Variants in ZNF623 observed in about 807,000 individuals in gnomAD.
ZNF623 encodes the protein zinc finger protein 623.
In ZNF623, 16 loss-of-function variants were observed where a neutral mutation model predicts 24.0. The ratio of observed to expected loss-of-function variants is 0.67; its 90% CI spans 0.45 to 1.01. ZNF623 has a LOEUF of 1.01. Among genes scored for constraint, ZNF623 ranks in the 50% least tolerant of loss-of-function variants. The pLI, the probability that ZNF623 is intolerant of heterozygous loss-of-function variation, is 0.00. For synonymous variants in ZNF623, 224 were observed against 219.8 expected, an observed-to-expected ratio of 1.02 and a Z score of -0.17; for missense variants, 566 against 606.5, an observed-to-expected ratio of 0.93 and a Z score of 0.70.
At chr8:143,638,434 A>G (rs1814973619) in intron 1 of ZNF623, among the ~76,000 whole-genome samples, 1 of 152,038 alleles carries the variant, frequency 6.6e-6, no homozygotes, top group Non-Finnish European at 1.5e-5. Flanking sequence ...TTGTAAACAG[A>G]AACACCCTGT....
chr8:143,650,125 C>T lies in ZNF623; in HGVS notation c.133C>T (p.His45Tyr), dbSNP rs1479487006. 3.7e-6 allele frequency: 6 copies of T among 1,614,128 alleles called. No individual in the cohort carries two copies. Among genetic ancestry groups the T allele is most frequent in the African/African-American group, 1.3e-5 (1 of 75,028 alleles). Residue 45 changes from histidine to tyrosine, a missense_variant, in exon 2 of 2, where the codon CAT becomes TAT. Physicochemically the swap from His to Tyr is moderately conservative, Grantham distance 83. This residue lies in a region of ZNF623 where 313 missense variants were observed against 300.4 expected (regional missense o/e 1.04). Coordinates refer to ENST00000526926, the MANE Select transcript of ZNF623 (RefSeq NM_001261843.2). This position sits in a 1 kb window ranked among gnomAD's most constrained non-coding sequence, Gnocchi z 5.2. ...DRGCKQVTVTHWKIQTGETAQ... is the reference protein window; with the variant it reads ...DRGCKQVTVTYWKIQTGETAQ... ...GGGCTGCAAGCAGGTGACAGTGACC[C>T]ATTGGAAGATCCAGACAGGAGAGAC...
At position 143,650,148 on chromosome 8, in the gene ZNF623, G is replaced by A. The variant is rs757227153; in HGVS notation, c.156G>A (p.Glu52=). ...CCCATTGGAAGATCCAGACAGGAGA[G>A]ACAGCTCAAGTGTGCACCAAGTCAG... ...TVTHWKIQTG[E]TAQVCTKSGR... Residue 52 remains glutamate (E), a synonymous_variant, in exon 2 of 2, where the codon GAG becomes GAA. Transcript: ENST00000526926. The surrounding 1 kb of genome is among the most constrained non-coding windows in gnomAD (Gnocchi z 5.2). The A allele has an allele frequency of 1.2e-6, 2 of 1,614,224 alleles. No homozygotes were observed. Among genetic ancestry groups the A allele is most frequent in the South Asian group, 2.2e-5 (2 of 91,086 alleles).
chr8:143,642,286 C>T (rs930714366), intron 1 of ZNF623, among the ~76,000 whole-genome samples: 26 of 152,164 alleles, frequency 1.7e-4, no homozygotes, highest in Admixed American at 1.2e-3. Context: ...TTCCCTCACC[C>T]GTCTCGGCCT....
At position 143,651,540 on chromosome 8, in the gene ZNF623, A is replaced by G. The variant is rs187648581; in HGVS notation, c.*57A>G. The G allele has an allele frequency of 2.7e-5, 41 of 1,519,458 alleles. No individual in the cohort carries two copies. In the East Asian group the frequency reaches 9.0e-4, roughly 33 times the overall value. The allele number at this position is 1,519,458 out of a possible 1,614,324, so 94.1% of individuals were successfully genotyped here. ...TTGGAAATGCGTGGAATTAGGATTCATGTGGTTTCTAAGATTTGGACATGT... is the reference window on the plus strand; with the variant it reads ...TTGGAAATGCGTGGAATTAGGATTCGTGTGGTTTCTAAGATTTGGACATGT... On this transcript the variant is annotated 3_prime_UTR_variant, in exon 2 of 2. Coordinates refer to ENST00000526926, the MANE Select transcript of ZNF623 (RefSeq NM_001261843.2).
intron 1 of ZNF623, among the ~76,000 whole-genome samples, chr8:143,638,190 A>T (rs1228782072): frequency 6.6e-6 from 1 of 152,066 alleles, no homozygotes; most frequent in Non-Finnish European, 1.5e-5. Flanking sequence ...AAAGTACAAA[A>T]GTTAGCCAGG....
chr8:143,650,606 G>C lies in ZNF623; in HGVS notation c.614G>C (p.Ser205Thr). The change falls in exon 2 of 2, where the codon AGT becomes ACT. Residue 205 changes from serine to threonine, a missense_variant. Transcript: ENST00000526926. This position sits in a 1 kb window ranked among gnomAD's most constrained non-coding sequence, Gnocchi z 5.2. Reference protein sequence around the residue: ...FECKECGKGFSQSSLLIRHQR... With the variant: ...FECKECGKGFTQSSLLIRHQR... ...TGCAAAGAGTGTGGGAAAGGCTTCAGTCAGAGCTCCTTACTTATTCGCCAT... is the reference window on the plus strand; with the variant it reads ...TGCAAAGAGTGTGGGAAAGGCTTCACTCAGAGCTCCTTACTTATTCGCCAT... 1 of 1,613,044 alleles carries C rather than the reference G, an allele frequency of 6.2e-7. No individual in the cohort carries two copies. The highest frequency in any genetic ancestry group is 1.3e-5 in the African/African-American group (1 of 74,622).
intron 1 of ZNF623, among the ~76,000 whole-genome samples, chr8:143,644,660 T>TG (rs1472769167): frequency 1.3e-4 from 20 of 149,406 alleles, no homozygotes; most frequent in East Asian, 4.1e-4. Flanking sequence ...GAGGCCAAGG[T>TG]GGCTGGACTG....
In ZNF623 at chr8:143,650,028, C is replaced by T. The variant is rs755111071; in HGVS notation, c.36C>T (p.His12=). 12 of 1,614,150 alleles carry T rather than the reference C, an allele frequency of 7.4e-6. No homozygotes were observed. Among genetic ancestry groups the T allele is most frequent in the South Asian group, 2.2e-5 (2 of 91,090 alleles). Residue 12 remains histidine, a synonymous_variant, in exon 2 of 2, where the codon CAC becomes CAT. Transcript: ENST00000526926. This position sits in a 1 kb window ranked among gnomAD's most constrained non-coding sequence, Gnocchi z 5.2. ...ELPSPESEEV[H]EPRLGELLGN... ...CCTCTCCCGAGTCTGAGGAAGTCCA[C>T]GAGCCCAGATTAGGGGAGCTCTTGG...
intron 1 of ZNF623, among the ~76,000 whole-genome samples, chr8:143,642,622 C>T (rs1343611299): frequency 2.0e-5 from 3 of 152,176 alleles, no homozygotes; most frequent in Non-Finnish European, 4.4e-5. Flanking sequence ...GGGATTCCTC[C>T]TTTCACGTGA....
chr8:143,653,072 A>G lies in ZNF623; in HGVS notation c.*1589A>G, dbSNP rs1217749931. ...GCTGGGCCAGAGATCAGTAGAGAGC[A>G]GCTGAAGAAGAAAATAGGGTCCAGG... On this transcript the variant is annotated 3_prime_UTR_variant, in exon 2 of 2. Coordinates refer to ENST00000526926, the MANE Select transcript of ZNF623 (RefSeq NM_001261843.2). 6.0e-6 allele frequency: 1 copy of G among 167,188 alleles called. No individual in the cohort carries two copies. The highest frequency in any genetic ancestry group is 1.5e-5 in the Non-Finnish European group (1 of 68,170). The allele number at this position is 167,188 out of a possible 1,614,324, so 10.4% of individuals were successfully genotyped here.
At position 143,651,671 on chromosome 8, in the gene ZNF623, T is replaced by A. The variant is rs1439043978; in HGVS notation, c.*188T>A. 19 of 598,196 alleles carry A rather than the reference T, an allele frequency of 3.2e-5. No homozygotes were observed. The highest frequency in any genetic ancestry group is 4.9e-5 in the Non-Finnish European group (17 of 347,248). 37.1% of individuals were successfully genotyped at this position (598,196 alleles called of 1,614,324 possible). ...TTCTCCTCAGCTGTGAGCACTGTCC[T>A]CAGGAGAGTCACAGGGCTTGACACC... is the stretch of plus-strand genomic sequence containing the variant. On this transcript the variant is annotated 3_prime_UTR_variant, in exon 2 of 2. Transcript: ENST00000526926.
rs768428534 is a variant in ZNF623 at position 143,650,982 on chromosome 8, T to C, written c.990T>C (p.Thr330=). The part of the protein sequence containing the change: ...SNFTQHQRIH[T]GEKLYECNEC... Reference sequence around the variant, plus strand: ...TCACCCAGCATCAGAGAATTCACACTGGAGAGAAACTCTATGAATGTAACG... The same window carrying C: ...TCACCCAGCATCAGAGAATTCACACCGGAGAGAAACTCTATGAATGTAACG... The change falls in exon 2 of 2, where the codon ACT becomes ACC. Residue 330 remains threonine, a synonymous_variant. Transcript: ENST00000526926. This position sits in a 1 kb window ranked among gnomAD's most constrained non-coding sequence, Gnocchi z 5.2. 92 of 1,613,706 alleles carry C rather than the reference T, an allele frequency of 5.7e-5. No homozygotes were observed. Among genetic ancestry groups the C allele is most frequent in the Middle Eastern group, 3.3e-4 (2 of 6,082 alleles).
At chr8:143,648,373 C>G (rs1036601559) in intron 1 of ZNF623, among the ~76,000 whole-genome samples, 6 of 152,008 alleles carry the variant, frequency 3.9e-5, no homozygotes, top group African/African-American at 9.7e-5. Context: ...GTGGCCATAG[C>G]TGACCCCTGA....
intron 1 of ZNF623, among the ~76,000 whole-genome samples, chr8:143,641,412 G>T (rs1401553290): frequency 6.6e-6 from 1 of 151,544 alleles, no homozygotes; most frequent in Non-Finnish European, 1.5e-5. Flanking sequence ...CAGAGCTCTT[G>T]GGTGACCAGG....
chr8:143,646,157 T>G (rs983215111), intron 1 of ZNF623, among the ~76,000 whole-genome samples: 2 of 151,710 alleles, frequency 1.3e-5, no homozygotes, highest in African/African-American at 4.8e-5. Flanking sequence ...TCCTCCTGAC[T>G]TAGCCTCCCA....
chr8:143,639,726 C>T (rs959158325), intron 1 of ZNF623, among the ~76,000 whole-genome samples: 5 of 152,104 alleles, frequency 3.3e-5, no homozygotes, highest in Non-Finnish European at 5.9e-5. Flanking sequence ...TTATTTAAGA[C>T]GTAGGTTAAA....
Position 143,651,453 on chromosome 8 carries a change from A to C in ZNF623, c.1461A>C (p.Val487=), listed in dbSNP as rs754689315. 3.1e-6 allele frequency: 5 copies of C among 1,591,696 alleles called. No homozygotes were observed. The South Asian group carries it at 5.7e-5, about 18-fold the overall frequency. Residue 487 remains valine, a synonymous_variant, in exon 2 of 2, where the codon GTA becomes GTC. Transcript: ENST00000526926. ...KAPIHLGERS[V]DKGEHTGNL ...CCATACATTTGGGTGAGAGGTCTGT[A>C]GATAAGGGGGAACACACAGGTAACT... is the stretch of plus-strand genomic sequence containing the variant.
chr8:143,649,689 G>A, intron 1 of ZNF623: 2 of 607,590 alleles, frequency 3.3e-6, no homozygotes, highest in Admixed American at 3.0e-5. Flanking sequence ...CCTGGTGTTG[G>A]ATGTTAAAAG....
In ZNF623 at chr8:143,652,728, C is replaced by G. The variant is rs767163343; in HGVS notation, c.*1245C>G. 2.4e-5 allele frequency: 4 copies of G among 167,056 alleles called. No homozygotes were observed. The highest frequency in any genetic ancestry group is 2.1e-4 in the South Asian group (1 of 4,830). 10.3% of individuals were successfully genotyped at this position (167,056 alleles called of 1,614,324 possible). A position where few individuals can be genotyped will look rare whatever the true frequency, so the allele number is the denominator to read the frequency against. ...CTTGTCTGTATCTTTCTGTCTCACTCGAAAGGCACAGTCTCAATGCGCTAC... is the reference window on the plus strand; with the variant it reads ...CTTGTCTGTATCTTTCTGTCTCACTGGAAAGGCACAGTCTCAATGCGCTAC... On this transcript the variant is annotated 3_prime_UTR_variant, in exon 2 of 2. Transcript: ENST00000526926.
Sources: gnomAD v4.1 joint callset for allele counts (sites outside exome capture counted in the v4.1 genomes callset) on GRCh38, gnomAD v4.1.1 for gene constraint, gnomAD v4.1.1 regional missense constraint, Gnocchi (gnomAD v3.1) non-coding constraint, MANE v1.5 for transcripts, NCBI Gene and HGNC (gene_info 2026-07-23, HGNC 2026-07-21) for gene names.